The following SPACDR variants were observed in gnomAD, a reference collection of about 807,000 sequenced individuals.
SPACDR encodes uncharacterized protein C7orf61.
chr7:100,461,861 C>T, the SPACDR span, among the ~76,000 whole-genome samples: 3 of 151,394 alleles, frequency 2.0e-5, no homozygotes, highest in African/African-American at 7.3e-5. Flanking sequence ...GGCGTGGTGG[C>T]GGGTGCCTGT....
chr7:100,457,797 A>ATGTGTGTGTG, the SPACDR span, among the ~76,000 whole-genome samples: 11 of 22,076 alleles, frequency 5.0e-4, no homozygotes, highest in Non-Finnish European at 7.3e-4. Flanking sequence ...ACTTTTATAT[A>ATGTGTGTGTG]TATATATGTG....
At chr7:100,460,979 C>T in the SPACDR span, among the ~76,000 whole-genome samples, 1 of 152,144 alleles carries the variant, frequency 6.6e-6, no homozygotes, top group Non-Finnish European at 1.5e-5. Context: ...GGGTCCAATC[C>T]AAAGCTCACA....
chr7:100,463,733 C>G, the SPACDR span: 2 of 1,501,882 alleles, frequency 1.3e-6, no homozygotes, highest in South Asian at 1.1e-5. Flanking sequence ...AGGGGCAGGG[C>G]AGAGACAACA....
chr7:100,458,197 T>TGG, the SPACDR span, among the ~76,000 whole-genome samples: 1 of 11,322 alleles, frequency 8.8e-5, no homozygotes, highest in Non-Finnish European at 1.4e-4. Flanking sequence ...TACTCACTGG[T>TGG]GTGTGTGTGT....
chr7:100,463,999 T>C, the SPACDR span: 1 of 1,599,124 alleles, frequency 6.3e-7, no homozygotes, highest in African/African-American at 1.4e-5. Context: ...GTCTAACCCA[T>C]CGGAAGAACT....
At chr7:100,463,984 A>G in the SPACDR span, 2 of 1,603,622 alleles carry the variant, frequency 1.2e-6, no homozygotes, top group Non-Finnish European at 1.7e-6. Flanking sequence ...TCCTTTGCCA[A>G]GCCCGTCTAA....
chr7:100,457,460 A>G, the SPACDR span, among the ~76,000 whole-genome samples: 1 of 151,036 alleles, frequency 6.6e-6, no homozygotes, highest in African/African-American at 2.4e-5. Context: ...CTGGGATTAC[A>G]GGTGCTCGCT....
At chr7:100,457,801 A>ATGTGTGTGTGTGTGTGTGTG in the SPACDR span, among the ~76,000 whole-genome samples, 203 of 74,298 alleles carry the variant, frequency 2.7e-3, 1 homozygote, top group East Asian at 6.7e-3. Flanking sequence ...TTATATATAT[A>ATGTGTGTGTGTGTGTGTGTG]TATGTGTGTG....
At chr7:100,459,749 G>A in the SPACDR span, among the ~76,000 whole-genome samples, 2 of 152,128 alleles carry the variant, frequency 1.3e-5, no homozygotes, top group African/African-American at 2.4e-5. Flanking sequence ...CAGGTGTGTC[G>A]CTGCTCCTGG....
chr7:100,462,499 C>T, the SPACDR span, among the ~76,000 whole-genome samples: 67 of 149,450 alleles, frequency 4.5e-4, no homozygotes, highest in African/African-American at 1.5e-3. Flanking sequence ...AGGCGTAAGC[C>T]ACCGTGCCCG....
chr7:100,463,702 CAG>C, the SPACDR span: 1 of 1,607,772 alleles, frequency 6.2e-7, no homozygotes, highest in Non-Finnish European at 8.5e-7. Flanking sequence ...AACCAAGACA[CAG>C]AGAGGAGAGA....
chr7:100,460,599 A>G, the SPACDR span, among the ~76,000 whole-genome samples: 9 of 150,828 alleles, frequency 6.0e-5, no homozygotes, highest in East Asian at 9.7e-4. Context: ...TAAAAAAAAA[A>G]AGAGAGAGAG....
the SPACDR span, among the ~76,000 whole-genome samples, chr7:100,457,943 C>T: frequency 6.7e-6 from 1 of 149,558 alleles, no homozygotes; most frequent in African/African-American, 2.5e-5. Context: ...CTCAGCCTCC[C>T]AAATGCTGAG....
At chr7:100,464,208 G>C in the SPACDR span, 64 of 1,470,572 alleles carry the variant, frequency 4.4e-5, no homozygotes, top group African/African-American at 9.1e-4. Context: ...TCCTGGCAAT[G>C]AATCCCAGAC....
At chr7:100,463,509 C>G in the SPACDR span, 158 of 1,613,946 alleles carry the variant, frequency 9.8e-5, 3 homozygotes, top group South Asian at 1.5e-3. Flanking sequence ...TTGGCCAACA[C>G]GCAGGGATCT....
At chr7:100,457,799 A>ATGTGTGTGTG in the SPACDR span, among the ~76,000 whole-genome samples, 3,073 of 44,856 alleles carry the variant, frequency 0.069, 71 homozygotes, top group Non-Finnish European at 0.083. Flanking sequence ...TTTTATATAT[A>ATGTGTGTGTG]TATATGTGTG....
At chr7:100,464,116 C>T in the SPACDR span, 40 of 1,542,066 alleles carry the variant, frequency 2.6e-5, no homozygotes, top group Non-Finnish European at 3.0e-5. Context: ...GGCTGTGGGC[C>T]GGTGACCACC....
chr7:100,460,098 C>A, the SPACDR span, among the ~76,000 whole-genome samples: 54 of 151,684 alleles, frequency 3.6e-4, 3 homozygotes, highest in South Asian at 0.011. Flanking sequence ...ACTGTGTTAG[C>A]CAGGATGGTC....
chr7:100,457,087 C>T, the SPACDR span: 1 of 729,038 alleles, frequency 1.4e-6, no homozygotes, highest in Non-Finnish European at 2.2e-6. Context: ...TCCCTGATTC[C>T]ACCTCTCCCA....
Sources: gnomAD v4.1 joint callset for allele counts (sites outside exome capture counted in the v4.1 genomes callset) on GRCh38, gnomAD v4.1.1 for gene constraint, MANE v1.5 for transcripts, NCBI Gene and HGNC (gene_info 2026-07-23, HGNC 2026-07-21) for gene names.